Variants in ARID5B observed in about 807,000 individuals in gnomAD.
ARID5B encodes AT-rich interaction domain 5B.
ARID5B carries 13 observed loss-of-function variants against 97.2 expected under a neutral mutation model. The ratio of observed to expected loss-of-function variants is 0.13; its 90% CI spans 0.09 to 0.21. The LOEUF (loss-of-function observed/expected upper bound fraction) is 0.21, where lower values mean the gene tolerates loss of function less well. Among genes scored for constraint, ARID5B ranks in the 10% least tolerant of loss-of-function variants. ARID5B has a pLI of 1.00. For synonymous variants in ARID5B, 556 were observed against 570.3 expected (o/e 0.97, Z 0.36); for missense variants, 1,210 against 1,465.3 (o/e 0.83, Z 2.84).
Position 61,942,534 on chromosome 10 carries a change from G to A in ARID5B, c.502+2126G>A, listed in dbSNP as rs181160594. The stretch of plus-strand genomic sequence containing the variant: ...TGGCCGGGTGCGGTGGCTCACGCCT[G>A]TAATCCCAGCACTTTGGGAGGCCGA... On this transcript the variant is annotated intron_variant, in intron 3 of 9. Transcript: ENST00000279873. Among the ~76,000 whole-genome samples the A allele has an allele frequency of 2.3e-3, 343 of 152,322 alleles. 3 individuals are homozygous for A. Among genetic ancestry groups the A allele is most frequent in the African/African-American group, 8.1e-3 (338 of 41,554 alleles).
Position 61,957,843 on chromosome 10 carries a change from T to C in ARID5B, c.502+17435T>C, listed in dbSNP as rs140334056. ...TTGGACAGTGCTGATCTAGAGAGATTTGGACAAATGCAGTGTTTAGCCCAA... is the reference window on the plus strand; with the variant it reads ...TTGGACAGTGCTGATCTAGAGAGATCTGGACAAATGCAGTGTTTAGCCCAA... On this transcript the variant is annotated intron_variant, in intron 3 of 9. Coordinates refer to ENST00000279873, the MANE Select transcript of ARID5B (RefSeq NM_032199.3). 6.6e-5 allele frequency among the ~76,000 whole-genome samples: 10 copies of C among 152,314 alleles called. No homozygotes were observed. The South Asian group carries it at 2.1e-3, about 32-fold the overall frequency.
At chr10:61,925,040 A>G (rs1043022782) in intron 2 of ARID5B, among the ~76,000 whole-genome samples, 1 of 152,016 alleles carries the variant, frequency 6.6e-6, no homozygotes, top group East Asian at 1.9e-4. Flanking sequence ...CCCTGTTCCT[A>G]CTGAAAATAC....
intron 2 of ARID5B, among the ~76,000 whole-genome samples, chr10:61,936,353 C>T (rs1336462743): frequency 6.6e-6 from 1 of 152,242 alleles, no homozygotes; most frequent in Non-Finnish European, 1.5e-5. Flanking sequence ...TGCGGTGGCT[C>T]ACGCCTGTAA....
chr10:62,049,351 C>A lies in ARID5B; in HGVS notation c.734-1537C>A, dbSNP rs530205912. 122 of 1,537,984 alleles carry A rather than the reference C, an allele frequency of 7.9e-5. No homozygotes were observed. The South Asian group carries it at 1.3e-3, about 17-fold the overall frequency. ...GTTGTAAGCAGAGCGCTGAGCCTCG[C>A]AGCTCGCATTCGGAGGGAAGCTGAC... On this transcript the variant is annotated intron_variant, in intron 4 of 9. Coordinates refer to ENST00000279873, the MANE Select transcript of ARID5B (RefSeq NM_032199.3).
chr10:61,990,558 A>G (rs1838909820), intron 3 of ARID5B, among the ~76,000 whole-genome samples: 1 of 152,200 alleles, frequency 6.6e-6, no homozygotes, highest in Admixed American at 6.5e-5. Context: ...GTAGGCAATT[A>G]CATTTGTCAG....
chr10:61,932,151 G>A (rs76354289), intron 2 of ARID5B, among the ~76,000 whole-genome samples: 3,067 of 152,216 alleles, frequency 0.02, 95 homozygotes, highest in African/African-American at 0.068. Flanking sequence ...TTCCTAGCGC[G>A]TATAAAAGTT....
intron 2 of ARID5B, among the ~76,000 whole-genome samples, chr10:61,905,445 G>T (rs1363529218): frequency 4.2e-5 from 6 of 143,532 alleles, no homozygotes; most frequent in Non-Finnish European, 3.1e-5. Context: ...TTTGCAGAGG[G>T]TTTTTTTTTT....
intron 2 of ARID5B, among the ~76,000 whole-genome samples, chr10:61,917,228 G>C (rs1843925425): frequency 6.6e-6 from 1 of 151,900 alleles, no homozygotes. Flanking sequence ...AGCATTGCTG[G>C]GCAGGAATGT....
chr10:62,032,691 G>A (rs1839512758), intron 4 of ARID5B, among the ~76,000 whole-genome samples: 2 of 152,128 alleles, frequency 1.3e-5, no homozygotes, highest in South Asian at 2.1e-4. Flanking sequence ...CTCCAGCCTG[G>A]GTGACAGAGC....
chr10:61,942,796 A>AAAAAC (rs748893963), intron 3 of ARID5B, among the ~76,000 whole-genome samples: 35 of 152,306 alleles, frequency 2.3e-4, no homozygotes, highest in Non-Finnish European at 3.5e-4. Context: ...GCTCTGTCTC[A>AAAAAC]AAAACAAAAC....
At chr10:61,903,326 G>T (rs899403335) in intron 2 of ARID5B, among the ~76,000 whole-genome samples, 2 of 152,114 alleles carry the variant, frequency 1.3e-5, no homozygotes, top group Admixed American at 1.3e-4. Context: ...GGCGCTCGCC[G>T]CGCTCCCGGG....
chr10:61,991,602 T>C (rs1259942074), intron 3 of ARID5B, among the ~76,000 whole-genome samples: 8 of 152,206 alleles, frequency 5.3e-5, no homozygotes, highest in African/African-American at 1.9e-4. Context: ...TTTGCAAATA[T>C]TTTCCCCCTC....
intron 3 of ARID5B, among the ~76,000 whole-genome samples, chr10:61,980,417 G>A (rs138390971): frequency 3.3e-4 from 50 of 152,042 alleles, no homozygotes; most frequent in African/African-American, 1.2e-3. Flanking sequence ...TTCTTAAAAC[G>A]ATTTATTCTG....
intron 2 of ARID5B, among the ~76,000 whole-genome samples, chr10:61,904,977 CAGCATTTACTGCTGGCACCTAG>C (rs1843685745): frequency 6.6e-6 from 1 of 152,226 alleles, no homozygotes; most frequent in South Asian, 2.1e-4. Flanking sequence ...TTACAGAAAC[CAGCATTTACTGCTGGCACCTAG>C]AGGGGGCAAC....
intron 7 of ARID5B, 103 bp from the exon 8 acceptor site, chr10:62,069,597 T>A (rs940999985): frequency 4.9e-6 from 5 of 1,028,416 alleles, no homozygotes; most frequent in Admixed American, 2.0e-5. Flanking sequence ...TTTCTGGGTT[T>A]CCAGAACAGA....
chr10:61,936,462 A>G (rs1163983826), intron 2 of ARID5B, among the ~76,000 whole-genome samples: 1 of 152,206 alleles, frequency 6.6e-6, no homozygotes, highest in African/African-American at 2.4e-5. Context: ...TACTAAAAGT[A>G]CAAAGATTAG....
At chr10:62,027,308 T>C in intron 4 of ARID5B, among the ~76,000 whole-genome samples, 1 of 105,402 alleles carries the variant, frequency 9.5e-6, no homozygotes, top group East Asian at 2.5e-4. Flanking sequence ...TTTTTTTTTT[T>C]TTTTTTTTTT....
chr10:61,985,688 T>TA (rs1031497693), intron 3 of ARID5B, among the ~76,000 whole-genome samples: 35 of 152,250 alleles, frequency 2.3e-4, no homozygotes, highest in African/African-American at 8.4e-4. Context: ...TTTTTAATCT[T>TA]ATCTTTTTGA....
At chr10:61,986,737 C>T (rs1036069387) in intron 3 of ARID5B, among the ~76,000 whole-genome samples, 2 of 152,182 alleles carry the variant, frequency 1.3e-5, no homozygotes, top group Admixed American at 6.5e-5. Context: ...TGGTAACATA[C>T]TCCCTTCTTT....
Sources: gnomAD v4.1 joint callset for allele counts (sites outside exome capture counted in the v4.1 genomes callset) on GRCh38, gnomAD v4.1.1 for gene constraint, MANE v1.5 for transcripts, NCBI Gene and HGNC (gene_info 2026-07-23, HGNC 2026-07-21) for gene names.